The following SCARA5 variants were observed in gnomAD, a reference collection of about 807,000 sequenced individuals.
SCARA5 encodes the protein scavenger receptor class A member 5, also known as scavenger receptor class A, member 5 (putative).
SCARA5 carries 45 observed loss-of-function variants against 46.3 expected under a neutral mutation model. The ratio of observed to expected loss-of-function variants is 0.97; its 90% confidence interval spans 0.76 to 1.24. The LOEUF is 1.24. Ranked by LOEUF, SCARA5 falls within the 50% of genes most tolerant of loss-of-function variation. SCARA5 has a pLI of 0.00. For missense variants in SCARA5, 680 were observed against 689.0 expected, an observed-to-expected ratio of 0.99 and a Z score of 0.15; for synonymous variants, 333 against 306.5, an observed-to-expected ratio of 1.09 and a Z score of -0.90.
chr8:27,902,501 A>T (rs1434087438), intron 7 of SCARA5, among the ~76,000 whole-genome samples: 30 of 151,816 alleles, frequency 2.0e-4, no homozygotes, highest in Admixed American at 2.0e-3. Flanking sequence ...TGCTGGCTCG[A>T]CCTCCTCACT....
intron 8 of SCARA5, 60 bp from the exon 9 acceptor site, chr8:27,872,130 G>C (rs1479805039): frequency 6.3e-7 from 1 of 1,587,884 alleles, no homozygotes; most frequent in African/African-American, 1.3e-5. Context: ...AAGGAGAAGA[G>C]AGAGCATAAC....
intron 7 of SCARA5, among the ~76,000 whole-genome samples, chr8:27,896,744 C>T (rs1347170421): frequency 1.3e-5 from 2 of 152,170 alleles, no homozygotes; most frequent in Non-Finnish European, 2.9e-5. Flanking sequence ...GGGAGGTTTA[C>T]TATGGCTTCG....
chr8:27,881,317 G>A (rs1360006740), intron 7 of SCARA5, among the ~76,000 whole-genome samples: 1 of 152,136 alleles, frequency 6.6e-6, no homozygotes, highest in Non-Finnish European at 1.5e-5. Flanking sequence ...GCAGCGGATT[G>A]AATAAAGAAA....
intron 2 of SCARA5, among the ~76,000 whole-genome samples, chr8:27,976,164 G>A (rs969498212): frequency 6.6e-6 from 1 of 152,088 alleles, no homozygotes; most frequent in Non-Finnish European, 1.5e-5. Flanking sequence ...GGAGGGCAGG[G>A]TGGCCAAGGT....
At chr8:27,916,851 C>T (rs1292830375) in intron 4 of SCARA5, among the ~76,000 whole-genome samples, 2 of 152,130 alleles carry the variant, frequency 1.3e-5, no homozygotes, top group Non-Finnish European at 2.9e-5. Flanking sequence ...TGCATCCCCC[C>T]CGATTTCATA....
At chr8:27,895,719 C>T (rs1335783099) in intron 7 of SCARA5, among the ~76,000 whole-genome samples, 2 of 152,142 alleles carry the variant, frequency 1.3e-5, no homozygotes, top group African/African-American at 2.4e-5. Flanking sequence ...AGGGGTCAGA[C>T]GGGGTACTTG....
At chr8:27,873,555 C>A (rs1472023029) in intron 8 of SCARA5, among the ~76,000 whole-genome samples, 1 of 152,060 alleles carries the variant, frequency 6.6e-6, no homozygotes, top group African/African-American at 2.4e-5. Context: ...CCCACCCCTC[C>A]CCACCAGAGA....
intron 2 of SCARA5, among the ~76,000 whole-genome samples, chr8:27,971,332 G>T (rs1039315093): frequency 2.0e-5 from 3 of 152,236 alleles, no homozygotes; most frequent in Non-Finnish European, 2.9e-5. Context: ...ATTCACCAGG[G>T]TGTGAAGGAC....
Position 27,988,171 on chromosome 8 carries a change from G to A in SCARA5, c.-15-541C>T, listed in dbSNP as rs115025411. The stretch of plus-strand genomic sequence containing the variant: ...GACCAGGACTGCTCCCAAATCCAAC[G>A]GGGCTGGCATGTTGGAAGGAGCTTG... On this transcript the variant is annotated intron_variant, in intron 1 of 8. Coordinates refer to ENST00000354914, the MANE Select transcript of SCARA5 (RefSeq NM_173833.6). Among the ~76,000 whole-genome samples the A allele has an allele frequency of 9.9e-3, 1,502 of 152,316 alleles. 32 individuals carry two copies. Among genetic ancestry groups the A allele is most frequent in the African/African-American group, 0.034 (1,421 of 41,574 alleles).
chr8:27,872,009 G>A lies in SCARA5; in HGVS notation c.1413C>T (p.Arg471=). Reference sequence around the variant, plus strand: ...TCACCCCCCATTTGGAGAAGCTGCAGCGGAAGATGGTTTCCTCTGTGCCCT... The same window carrying A: ...TCACCCCCCATTTGGAGAAGCTGCAACGGAAGATGGTTTCCTCTGTGCCCT... ...ACKGTEETIF[R]CSFSKWGVTN... The change falls in exon 9 of 9, where the codon CGC becomes CGT. Residue 471 remains arginine, a synonymous_variant. Transcript: ENST00000354914. The A allele has an allele frequency of 1.9e-6, 3 of 1,614,260 alleles. No individual in the cohort carries two copies. The highest frequency in any genetic ancestry group is 2.2e-5 in the South Asian group (2 of 91,086).
At chr8:27,942,332 C>T (rs74930067) in intron 3 of SCARA5, among the ~76,000 whole-genome samples, 2 of 152,194 alleles carry the variant, frequency 1.3e-5, no homozygotes, top group Non-Finnish European at 2.9e-5. Context: ...TGGTGGCCCC[C>T]ACTACTGCTC....
chr8:27,873,863 A>G (rs574063239), intron 8 of SCARA5, among the ~76,000 whole-genome samples: 1 of 151,336 alleles, frequency 6.6e-6, no homozygotes, highest in Non-Finnish European at 1.5e-5. Flanking sequence ...TCTACTAAAA[A>G]CCCCGTCTCT....
At chr8:27,914,957 G>A (rs991524638) in intron 4 of SCARA5, among the ~76,000 whole-genome samples, 14 of 152,184 alleles carry the variant, frequency 9.2e-5, no homozygotes, top group African/African-American at 3.1e-4. Context: ...ACGGGGTAGG[G>A]GACCTGTGTG....
chr8:27,961,660 C>G (rs994441988), intron 3 of SCARA5, among the ~76,000 whole-genome samples: 1 of 152,194 alleles, frequency 6.6e-6, no homozygotes, highest in African/African-American at 2.4e-5. Context: ...CTCAGACAGG[C>G]TGGCTCCAAA....
Position 27,905,525 on chromosome 8 carries a change from G to GCGGGGGGGCGC in SCARA5, c.1097-692_1097-691insGCGCCCCCCCG, listed in dbSNP as rs1554570605. On this transcript the variant is annotated intron_variant, in intron 6 of 8. Coordinates refer to ENST00000354914, the MANE Select transcript of SCARA5 (RefSeq NM_173833.6). The stretch of plus-strand genomic sequence containing the variant: ...AATGCCCAGGATGATCCAAGATTTG[G>GCGGGGGGGCGC]GGGGGGGAAAAAAAAAAGGCAGCCA... Among the ~76,000 whole-genome samples, 2 of 39,074 alleles carry GCGGGGGGGCGC rather than the reference G, an allele frequency of 5.1e-5. 1 individual carries two copies. Among genetic ancestry groups the GCGGGGGGGCGC allele is most frequent in the Non-Finnish European group, 1.2e-4 (2 of 17,214 alleles). 25.6% of individuals were successfully genotyped at this position (39,074 alleles called of 152,430 possible). A position where few individuals can be genotyped will look rare whatever the true frequency, so the allele number is the denominator to read the frequency against.
chr8:27,921,752 C>G lies in SCARA5; in HGVS notation c.735G>C (p.Leu245=). 6.3e-7 allele frequency: 1 copy of G among 1,582,908 alleles called. No individual in the cohort carries two copies. Among genetic ancestry groups the G allele is most frequent in the African/African-American group, 1.3e-5 (1 of 74,658 alleles). Residue 245 remains leucine, a synonymous_variant, in exon 4 of 9, where the codon CTG becomes CTC. Transcript: ENST00000354914. ...SYDVALHRTR[L]QDLRVLVSNA... is the part of the protein sequence containing the mutation. The stretch of plus-strand genomic sequence containing the variant: ...TGCTCACCAGCACCCGCAGGTCCTG[C>G]AGCCGCGTGCGGTGGAGGGCCACGT...
At position 27,872,397 on chromosome 8, in the gene SCARA5, C is replaced by T. The variant is rs77139634; in HGVS notation, c.1352-327G>A. Among the ~76,000 whole-genome samples the T allele has an allele frequency of 5.8e-3, 884 of 152,312 alleles. 23 individuals carry two copies. In the East Asian group the frequency reaches 0.082, roughly 14 times the overall value. ...AACTCTGTCATTCACTCTTGAAGTA[C>T]GTGGGTAAAATCCCTTTACAAAGAA... On this transcript the variant is annotated intron_variant, in intron 8 of 8. Coordinates refer to ENST00000354914, the MANE Select transcript of SCARA5 (RefSeq NM_173833.6).
intron 2 of SCARA5, among the ~76,000 whole-genome samples, chr8:27,974,679 G>T (rs535180269): frequency 7.2e-5 from 10 of 139,160 alleles, no homozygotes; most frequent in Non-Finnish European, 7.8e-5. Context: ...ATTGTTCACT[G>T]TAACAGGCAG....
At chr8:27,961,045 G>A (rs1325171012) in intron 3 of SCARA5, among the ~76,000 whole-genome samples, 1 of 152,218 alleles carries the variant, frequency 6.6e-6, no homozygotes, top group East Asian at 1.9e-4. Flanking sequence ...CAGATAACCT[G>A]GGGCTAAACC....
Sources: allele counts gnomAD v4.1 joint callset (sites outside exome capture counted in the v4.1 genomes callset), GRCh38; gene constraint gnomAD v4.1.1; transcripts MANE v1.5; gene names NCBI Gene and HGNC (gene_info 2026-07-23, HGNC 2026-07-21).